The following MARCHF1 variants were observed in gnomAD, a reference collection of about 807,000 sequenced individuals.
MARCHF1 encodes the protein E3 ubiquitin-protein ligase MARCHF1.
Under a neutral mutation model 54.2 loss-of-function variants are expected in MARCHF1, and 40 were observed. The observed-to-expected ratio is 0.74, with a 90% CI of 0.57 to 0.96. The LOEUF (loss-of-function observed/expected upper bound fraction) is 0.96. MARCHF1 is among the 40% of genes least tolerant of loss of function. MARCHF1 has a pLI of 0.00. For missense variants in MARCHF1, 586 were observed against 656.5 expected, an observed-to-expected ratio of 0.89 and a Z score of 1.17; for synonymous variants, 236 against 236.3, an observed-to-expected ratio of 1.00 and a Z score of 0.01.
intron 3 of MARCHF1, among the ~76,000 whole-genome samples, chr4:163,915,989 G>A (rs555666826): frequency 3.3e-5 from 5 of 152,234 alleles, no homozygotes; most frequent in East Asian, 1.9e-4. Flanking sequence ...GGTTTATGAA[G>A]GATGGCAATT....
At chr4:163,778,912 A>C (rs1579280162) in intron 4 of MARCHF1, among the ~76,000 whole-genome samples, 1 of 152,156 alleles carries the variant, frequency 6.6e-6, no homozygotes, top group African/African-American at 2.4e-5. Context: ...AATGAGTAAA[A>C]GCCCTGACTC....
intron 1 of MARCHF1, among the ~76,000 whole-genome samples, chr4:164,156,661 A>G (rs554812406): frequency 5.7e-4 from 87 of 152,188 alleles, no homozygotes; most frequent in African/African-American, 2.1e-3. Context: ...AGCTCAAGCA[A>G]TCCACTCACC....
chr4:164,380,821 G>A (rs1731344459), intron 1 of MARCHF1, among the ~76,000 whole-genome samples: 1 of 152,036 alleles, frequency 6.6e-6, no homozygotes, highest in Non-Finnish European at 1.5e-5. Context: ...CCTATCAAAG[G>A]CCTACAGGAA....
intron 3 of MARCHF1, among the ~76,000 whole-genome samples, chr4:163,945,840 C>T (rs1752012483): frequency 6.6e-6 from 1 of 152,058 alleles, no homozygotes; most frequent in Admixed American, 6.6e-5. Context: ...GTTCTACTGC[C>T]TTGGAGTGTC....
At chr4:163,599,914 T>C (rs10213166) in intron 7 of MARCHF1, among the ~76,000 whole-genome samples, 69,447 of 152,056 alleles carry the variant, frequency 0.46, 15,931 homozygotes, top group Admixed American at 0.49. Flanking sequence ...TTTGAGGTCA[T>C]TCCAAGATGA....
intron 1 of MARCHF1, among the ~76,000 whole-genome samples, chr4:164,262,431 ACAGT>A (rs1310882969): frequency 6.6e-6 from 1 of 152,170 alleles, no homozygotes; most frequent in Non-Finnish European, 1.5e-5. Flanking sequence ...GAATGGGAAG[ACAGT>A]CTCCTTTTAT....
chr4:164,255,543 G>A (rs745796373), intron 1 of MARCHF1, among the ~76,000 whole-genome samples: 5 of 151,928 alleles, frequency 3.3e-5, no homozygotes, highest in Non-Finnish European at 5.9e-5. Context: ...GAGATAACAA[G>A]ATCCAGCTTA....
intron 1 of MARCHF1, among the ~76,000 whole-genome samples, chr4:164,128,597 A>AT (rs932944007): frequency 3.0e-4 from 46 of 152,186 alleles, no homozygotes; most frequent in Non-Finnish European, 2.8e-4. Flanking sequence ...GGTTGGCAAA[A>AT]TTTTTTTAAA....
At chr4:163,571,608 TG>T (rs1439847116) in intron 8 of MARCHF1, among the ~76,000 whole-genome samples, 1 of 152,170 alleles carries the variant, frequency 6.6e-6, no homozygotes, top group Non-Finnish European at 1.5e-5. Context: ...TTGTTAACTT[TG>T]TTTATTGATA....
chr4:163,592,834 A>G (rs1279321564), intron 7 of MARCHF1, among the ~76,000 whole-genome samples: 1 of 152,046 alleles, frequency 6.6e-6, no homozygotes, highest in East Asian at 1.9e-4. Context: ...TTTGAAGACT[A>G]TCTGAGAGGT....
At chr4:164,300,192 C>T (rs1734517959) in intron 1 of MARCHF1, among the ~76,000 whole-genome samples, 1 of 152,124 alleles carries the variant, frequency 6.6e-6, no homozygotes, top group South Asian at 2.1e-4. Flanking sequence ...ACATCATTAT[C>T]ATCATTATTG....
intron 2 of MARCHF1, among the ~76,000 whole-genome samples, chr4:164,044,878 T>G (rs1286484900): frequency 6.6e-6 from 1 of 152,042 alleles, no homozygotes; most frequent in African/African-American, 2.4e-5. Context: ...CTAAAATAAC[T>G]ACCATGGTGT....
intron 8 of MARCHF1, among the ~76,000 whole-genome samples, chr4:163,567,129 TATA>T (rs1319288759): frequency 6.6e-6 from 1 of 152,030 alleles, no homozygotes; most frequent in Non-Finnish European, 1.5e-5. Flanking sequence ...GAACTTAAAG[TATA>T]ATAACAAAAA....
At chr4:163,650,561 T>C (rs1316886049) in intron 5 of MARCHF1, among the ~76,000 whole-genome samples, 4 of 152,138 alleles carry the variant, frequency 2.6e-5, no homozygotes, top group Non-Finnish European at 1.5e-5. Flanking sequence ...TAAAGTGTCA[T>C]AGTACATGTA....
At chr4:163,794,306 CAA>C (rs1161678058) in intron 4 of MARCHF1, among the ~76,000 whole-genome samples, 1 of 152,132 alleles carries the variant, frequency 6.6e-6, no homozygotes, top group Non-Finnish European at 1.5e-5. Flanking sequence ...GCTGAATTCT[CAA>C]GTTTTATTTT....
intron 3 of MARCHF1, among the ~76,000 whole-genome samples, chr4:163,944,411 T>G (rs1184630464): frequency 6.6e-6 from 1 of 152,188 alleles, no homozygotes; most frequent in Non-Finnish European, 1.5e-5. Context: ...ATGTCACACC[T>G]TTTGTGGGGA....
rs1208441546 is a variant in MARCHF1 at position 163,673,660 on chromosome 4, TTAA to T, written c.162+27150_162+27152del. On this transcript the variant is annotated intron_variant, in intron 5 of 9. Transcript: ENST00000514618. ...ATAAAGCTGTGATTTACTAGATAAA[TTAA>T]TAAGTAGCTTATCATAGGAGGCAAG... Among the ~76,000 whole-genome samples the T allele has an allele frequency of 5.3e-5, 8 of 152,236 alleles. No homozygotes were observed. The East Asian group carries it at 1.5e-3, about 29-fold the overall frequency.
intron 8 of MARCHF1, among the ~76,000 whole-genome samples, chr4:163,576,969 C>T (rs908994248): frequency 6.6e-6 from 1 of 151,902 alleles, no homozygotes; most frequent in Admixed American, 6.6e-5. Context: ...AGATGGGTCT[C>T]TTGAAGAAAG....
At chr4:163,946,239 A>G (rs1163906324) in intron 3 of MARCHF1, among the ~76,000 whole-genome samples, 1 of 152,144 alleles carries the variant, frequency 6.6e-6, no homozygotes, top group African/African-American at 2.4e-5. Flanking sequence ...CCTGGGGTAG[A>G]GAGAGGGCTT....
Sources: gnomAD v4.1 joint callset for allele counts (sites outside exome capture counted in the v4.1 genomes callset) on GRCh38, gnomAD v4.1.1 for gene constraint, MANE v1.5 for transcripts, NCBI Gene and HGNC (gene_info 2026-07-23, HGNC 2026-07-21) for gene names.